The following SLC20A1 variants were observed in gnomAD, a reference collection of about 807,000 sequenced individuals.
SLC20A1 encodes the protein sodium-dependent phosphate transporter 1.
SLC20A1 carries 28 observed loss-of-function variants against 62.7 expected under a neutral mutation model. The ratio of observed to expected loss-of-function variants is 0.45; its 90% confidence interval spans 0.33 to 0.61. The LOEUF (loss-of-function observed/expected upper bound fraction) is 0.61, where lower values mean the gene tolerates loss of function less well. SLC20A1 is among the 20% of genes least tolerant of loss of function. The pLI, the probability that SLC20A1 is intolerant of heterozygous loss-of-function variation, is 0.02. For synonymous variants in SLC20A1, 305 were observed against 302.9 expected (o/e 1.01, Z -0.07); for missense variants, 673 against 838.6 (o/e 0.80, Z 2.44).
chr2:112,648,134 G>T (rs1686336313), intron 4 of SLC20A1, among the ~76,000 whole-genome samples: 1 of 152,138 alleles, frequency 6.6e-6, no homozygotes, highest in African/African-American at 2.4e-5. Flanking sequence ...TAAGCTGCCA[G>T]TTAAATGGGT....
chr2:112,663,750 A>C lies in SLC20A1; in HGVS notation c.*725A>C, dbSNP rs968802151. ...ATGAAGTGGAATGTGAACTTTGGGC[A>C]AGTTAAGTGGGACAGCCTTCCATGT... On this transcript the variant is annotated 3_prime_UTR_variant, in exon 11 of 11. Transcript: ENST00000272542. The C allele has an allele frequency of 6.5e-6, 1 of 153,062 alleles. No individual in the cohort carries two copies. Among genetic ancestry groups the C allele is most frequent in the Non-Finnish European group, 1.5e-5 (1 of 68,362 alleles). 9.5% of individuals were successfully genotyped at this position (153,062 alleles called of 1,614,324 possible). A position where few individuals can be genotyped will look rare whatever the true frequency, so the allele number is the denominator to read the frequency against.
rs1408556376 is a variant in SLC20A1, at chr2:112,658,890, C to G, written c.844C>G (p.His282Asp). The G allele has an allele frequency of 1.2e-6, 2 of 1,613,864 alleles. No homozygotes were observed. Among genetic ancestry groups the G allele is most frequent in the Non-Finnish European group, 1.7e-6 (2 of 1,179,974 alleles). The change falls in exon 7 of 11, where the codon CAT becomes GAT. Residue 282 changes from histidine (H) to aspartate (D), a missense_variant. Coordinates refer to ENST00000272542, the MANE Select transcript of SLC20A1 (RefSeq NM_005415.5). ...MEKKNSLKEDHEETKLSVGDI... is the reference protein window; with the variant it reads ...MEKKNSLKEDDEETKLSVGDI... ...AAAAAAGAATAGCTTGAAAGAAGAC[C>G]ATGAAGAAACAAAGTTGTCTGTTGG... is the stretch of plus-strand genomic sequence containing the variant.
chr2:112,647,859 G>A (rs3817328), intron 4 of SLC20A1, 121 bp downstream of exon 4: 2 of 795,160 alleles, frequency 2.5e-6, no homozygotes, highest in African/African-American at 3.4e-5. Flanking sequence ...ATTTTAAAAA[G>A]CTCTTTGTTC....
At chr2:112,660,192 C>T (rs1006073326) in intron 8 of SLC20A1, among the ~76,000 whole-genome samples, 195 bp from the exon 9 acceptor site, 46 of 152,192 alleles carry the variant, frequency 3.0e-4, no homozygotes, top group African/African-American at 1.0e-3. Flanking sequence ...CCTGGCATTC[C>T]CTCCATCAGA....
intron 5 of SLC20A1, among the ~76,000 whole-genome samples, chr2:112,653,660 C>G (rs1316741044): frequency 8.8e-6 from 1 of 113,516 alleles, no homozygotes; most frequent in Non-Finnish European, 2.2e-5. Flanking sequence ...CAAATTCTCT[C>G]TTTTTTTTTT....
At chr2:112,657,276 A>G (rs1686618158) in intron 6 of SLC20A1, 35 bp downstream of exon 6, 3 of 1,584,862 alleles carry the variant, frequency 1.9e-6, no homozygotes, top group African/African-American at 2.7e-5. Context: ...AAGTTTAACT[A>G]CTAATGTTGT....
At chr2:112,652,577 C>T in intron 4 of SLC20A1, 125 bp from the exon 5 acceptor site, 1 of 718,568 alleles carries the variant, frequency 1.4e-6, no homozygotes, top group South Asian at 1.8e-5. Context: ...CTCTGTTGTC[C>T]TTGGAAACTA....
chr2:112,661,187 A>G lies in SLC20A1; in HGVS notation c.1839A>G (p.Ala613=). ...CATCTGCCCTCACTGTGGTGATTGC[A>G]TCAAATATTGGCCTTCCCATCAGTA... ...ELASALTVVI[A]SNIGLPISTT... is the part of the protein sequence containing the mutation. The change falls in exon 10 of 11, where the codon GCA becomes GCG. Residue 613 remains alanine (A), a synonymous_variant. Transcript: ENST00000272542. The G allele has an allele frequency of 2.5e-6, 4 of 1,614,082 alleles. No individual in the cohort carries two copies. Among genetic ancestry groups the G allele is most frequent in the South Asian group, 1.1e-5 (1 of 91,082 alleles).
Position 112,647,379 on chromosome 2 carries a change from C to T in SLC20A1, c.390C>T (p.Thr130=), listed in dbSNP as rs1212197473. The T allele has an allele frequency of 1.9e-6, 3 of 1,613,938 alleles. No homozygotes were observed. The highest frequency in any genetic ancestry group is 2.7e-5 in the African/African-American group (2 of 74,902). ...ASFLKLPISG[T]HCIVGATIGF... is the part of the protein sequence containing the mutation. ...TTTTGAAGCTCCCTATTTCTGGAAC[C>T]CATTGTATTGTTGGTGCAACTATTG... The change falls in exon 3 of 11, where the codon ACC becomes ACT. Residue 130 remains threonine, a synonymous_variant. Transcript: ENST00000272542.
intron 9 of SLC20A1, chr2:112,660,826 G>T: frequency 2.0e-6 from 1 of 488,058 alleles, no homozygotes; most frequent in Non-Finnish European, 3.5e-6. Flanking sequence ...AGAGCGGATA[G>T]TTATGTATAC....
In SLC20A1 at chr2:112,646,144, C is replaced by G. The variant is rs1444989729; in HGVS notation, c.-267+15C>G. 2 of 152,014 alleles carry G rather than the reference C, an allele frequency of 1.3e-5. No homozygotes were observed. The highest frequency in any genetic ancestry group is 4.8e-5 in the African/African-American group (2 of 41,392). The allele number at this position is 152,014 out of a possible 1,614,324, so 9.4% of individuals were successfully genotyped here. A position where few individuals can be genotyped will look rare whatever the true frequency, so the allele number is the denominator to read the frequency against. ...CCTTTTCCCTGGTGAGTAGTGGCGC[C>G]GCCTCGTAAAGGCTCTTTCTTCTCC... On this transcript the variant is annotated intron_variant, in intron 1 of 10. Coordinates refer to ENST00000272542, the MANE Select transcript of SLC20A1 (RefSeq NM_005415.5).
rs885347 is a variant in SLC20A1 at position 112,657,779 on chromosome 2, A to G, written c.778+538A>G. Among the ~76,000 whole-genome samples the G allele has an allele frequency of 4.5e-3, 692 of 152,346 alleles. 13 individuals are homozygous for G. The highest frequency in any genetic ancestry group is 0.028 in the Admixed American group (424 of 15,312). On this transcript the variant is annotated intron_variant, in intron 6 of 10. Coordinates refer to ENST00000272542, the MANE Select transcript of SLC20A1 (RefSeq NM_005415.5). ...ATACAATGCAAATACATATACAAAC[A>G]CACATTGTGTGTCTGCTAGAATTGT... is the stretch of plus-strand genomic sequence containing the variant.
At position 112,659,185 on chromosome 2, in the gene SLC20A1, C is replaced by T. The variant is rs750249028; in HGVS notation, c.1049-19C>T. 1.2e-6 allele frequency: 2 copies of T among 1,606,872 alleles called. No individual in the cohort carries two copies. The highest frequency in any genetic ancestry group is 8.5e-7 in the Non-Finnish European group (1 of 1,174,620). ...TTGATGCTTTTTGTATTGAATGTCACCTTGGTGATCTTGACTAGGTGCAGT... is the reference window on the plus strand; with the variant it reads ...TTGATGCTTTTTGTATTGAATGTCATCTTGGTGATCTTGACTAGGTGCAGT... On this transcript the variant is annotated intron_variant, in intron 7 of 10. Transcript: ENST00000272542.
At chr2:112,661,844 C>T (rs1446036129) in intron 10 of SLC20A1, among the ~76,000 whole-genome samples, 3 of 152,068 alleles carry the variant, frequency 2.0e-5, no homozygotes, top group African/African-American at 4.8e-5. Context: ...CCACCGCGCC[C>T]GGCCGACAGC....
chr2:112,656,824 C>T (rs1035816023), intron 5 of SLC20A1, among the ~76,000 whole-genome samples: 1 of 152,176 alleles, frequency 6.6e-6, no homozygotes, highest in Non-Finnish European at 1.5e-5. Flanking sequence ...GTGTAGTGAT[C>T]TTTATTATCT....
rs1686287729 is a variant in SLC20A1 at position 112,646,681 on chromosome 2, C to T, written c.-148C>T. On this transcript the variant is annotated 5_prime_UTR_variant, in exon 2 of 11. Coordinates refer to ENST00000272542, the MANE Select transcript of SLC20A1 (RefSeq NM_005415.5). ...ATACGCAGCGTATAGCAGTAACTCC[C>T]CAGCTCGGTTTCTGTGCCGTAGTTT... The T allele has an allele frequency of 3.2e-6, 1 of 316,200 alleles. No individual in the cohort carries two copies. Among genetic ancestry groups the T allele is most frequent in the Non-Finnish European group, 5.4e-6 (1 of 185,528 alleles). The allele number at this position is 316,200 out of a possible 1,614,324, so 19.6% of individuals were successfully genotyped here.
intron 8 of SLC20A1, 73 bp from the exon 9 acceptor site, chr2:112,660,314 A>C: frequency 1.5e-6 from 2 of 1,314,432 alleles, no homozygotes; most frequent in Non-Finnish European, 2.1e-6. Context: ...CTGGTAGATC[A>C]TTCAGCAGAT....
intron 4 of SLC20A1, among the ~76,000 whole-genome samples, chr2:112,650,073 C>A (rs1686394311): frequency 6.6e-6 from 1 of 152,106 alleles, no homozygotes; most frequent in Non-Finnish European, 1.5e-5. Context: ...ATAGTAGTGT[C>A]ATTCATACCC....
At chr2:112,655,995 C>T (rs1473323657) in intron 5 of SLC20A1, among the ~76,000 whole-genome samples, 1 of 152,068 alleles carries the variant, frequency 6.6e-6, no homozygotes, top group African/African-American at 2.4e-5. Context: ...GCCACTGTGC[C>T]TGGCCAGTGC....
Sources: gnomAD v4.1 joint callset for allele counts (sites outside exome capture counted in the v4.1 genomes callset) on GRCh38, gnomAD v4.1.1 for gene constraint, MANE v1.5 for transcripts, NCBI Gene and HGNC (gene_info 2026-07-23, HGNC 2026-07-21) for gene names.